The following NME7 variants were observed in gnomAD, a reference collection of about 807,000 sequenced individuals.
NME7 encodes NME/NM23 family member 7.
In NME7, 41 loss-of-function variants were observed where a neutral mutation model predicts 49.1. The observed-to-expected ratio is 0.83, with a 90% confidence interval of 0.65 to 1.08. The LOEUF (loss-of-function observed/expected upper bound fraction) is 1.08, where lower values mean the gene tolerates loss of function less well. Among genes scored for constraint, NME7 ranks in the 50% least tolerant of loss-of-function variants. NME7 has a pLI of 0.00. For missense variants in NME7, 423 were observed against 463.4 expected (o/e 0.91, Z 0.80); for synonymous variants, 139 against 150.6 (o/e 0.92, Z 0.56).
In NME7 at chr1:169,275,495, A is replaced by C. The variant is rs918566280; in HGVS notation, c.754+11808T>G. Among the ~76,000 whole-genome samples, 8 of 126,722 alleles carry C rather than the reference A, an allele frequency of 6.3e-5. 1 individual carries two copies. The highest frequency in any genetic ancestry group is 5.5e-4 in the Admixed American group (7 of 12,694). The allele number at this position is 126,722 out of a possible 152,430, so 83.1% of individuals were successfully genotyped here. Reference sequence around the variant, plus strand: ...CTCCGTCTCAAAAAAAAAAAAAAAAAAAAAAAAAAAGAATGCTTGTGATTT... The same window carrying C: ...CTCCGTCTCAAAAAAAAAAAAAAAACAAAAAAAAAAGAATGCTTGTGATTT... On this transcript the variant is annotated intron_variant, in intron 7 of 11. Coordinates refer to ENST00000367811, the MANE Select transcript of NME7 (RefSeq NM_013330.5).
chr1:169,240,226 A>G (rs748478155), intron 7 of NME7, among the ~76,000 whole-genome samples: 1 of 151,934 alleles, frequency 6.6e-6, no homozygotes, highest in Non-Finnish European at 1.5e-5. Context: ...TTTTGTGAGG[A>G]AAATTATAAT....
At chr1:169,297,826 G>A (rs1389330422) in intron 6 of NME7, among the ~76,000 whole-genome samples, 1 of 152,126 alleles carries the variant, frequency 6.6e-6, no homozygotes, top group Non-Finnish European at 1.5e-5. Context: ...GAATTTGGAG[G>A]CTATTGTAGC....
chr1:169,241,552 A>C (rs1648087971), intron 7 of NME7, among the ~76,000 whole-genome samples: 1 of 152,012 alleles, frequency 6.6e-6, no homozygotes, highest in Non-Finnish European at 1.5e-5. Context: ...AGAAATTTAT[A>C]ATCTATATCT....
intron 7 of NME7, among the ~76,000 whole-genome samples, chr1:169,251,561 C>CTT (rs34473903): frequency 1.9e-4 from 18 of 95,586 alleles, no homozygotes; most frequent in Non-Finnish European, 3.4e-4. Context: ...TTTTTTTTTT[C>CTT]TTTTTTTTTT....
At chr1:169,231,011 T>C (rs12410456) in intron 9 of NME7, among the ~76,000 whole-genome samples, 192 bp from the exon 10 acceptor site, 12,599 of 152,236 alleles carry the variant, frequency 0.083, 707 homozygotes, top group Admixed American at 0.19. Flanking sequence ...TGCTCTCTCT[T>C]CTCCATTCCT....
intron 3 of NME7, among the ~76,000 whole-genome samples, chr1:169,314,633 T>A (rs1003462563): frequency 1.3e-5 from 2 of 152,124 alleles, no homozygotes; most frequent in African/African-American, 2.4e-5. Context: ...AAAATTTTTT[T>A]AAAAAGATAA....
chr1:169,218,334 T>C (rs1661032847), intron 10 of NME7, among the ~76,000 whole-genome samples: 1 of 152,150 alleles, frequency 6.6e-6, no homozygotes, highest in Non-Finnish European at 1.5e-5. Flanking sequence ...GACTCATGCT[T>C]GTAATCCTAG....
intron 11 of NME7, among the ~76,000 whole-genome samples, chr1:169,138,546 C>T (rs1658498520): frequency 6.6e-6 from 1 of 151,694 alleles, no homozygotes; most frequent in Non-Finnish European, 1.5e-5. Context: ...TCTGTCTCTA[C>T]AAAAAAATTA....
At position 169,258,971 on chromosome 1, in the gene NME7, G is replaced by A. The variant is rs912963557; in HGVS notation, c.755-21284C>T. On this transcript the variant is annotated intron_variant, in intron 7 of 11. Coordinates refer to ENST00000367811, the MANE Select transcript of NME7 (RefSeq NM_013330.5). Reference sequence around the variant, plus strand: ...CCAAGTGATCCTGATGCACACTAACGTTTCAGAACCATTACTGCGAGTAAG... The same window carrying A: ...CCAAGTGATCCTGATGCACACTAACATTTCAGAACCATTACTGCGAGTAAG... Among the ~76,000 whole-genome samples, 7 of 133,302 alleles carry A rather than the reference G, an allele frequency of 5.3e-5. 1 individual carries two copies. Among genetic ancestry groups the A allele is most frequent in the African/African-American group, 1.0e-4 (4 of 39,414 alleles). 87.5% of individuals were successfully genotyped at this position (133,302 alleles called of 152,430 possible).
intron 7 of NME7, chr1:169,285,570 A>AAACC (rs2101893857): frequency 6.6e-6 from 1 of 152,246 alleles, no homozygotes; most frequent in East Asian, 1.9e-4. Context: ...ACAAACAAAC[A>AAACC]AACAGGGTTT....
At chr1:169,212,436 A>G (rs1660851738) in intron 10 of NME7, among the ~76,000 whole-genome samples, 1 of 152,006 alleles carries the variant, frequency 6.6e-6, no homozygotes, top group South Asian at 2.1e-4. Flanking sequence ...CCCAAAATCA[A>G]TATTAATAGC....
At chr1:169,171,766 AAAC>A (rs567528400) in intron 10 of NME7, among the ~76,000 whole-genome samples, 182 of 152,138 alleles carry the variant, frequency 1.2e-3, no homozygotes, top group African/African-American at 3.2e-3. Flanking sequence ...TCCATCTCAA[AAAC>A]AACAACAACA....
At chr1:169,338,908 G>A (rs1571401733) in intron 1 of NME7, among the ~76,000 whole-genome samples, 1 of 152,112 alleles carries the variant, frequency 6.6e-6, no homozygotes, top group East Asian at 1.9e-4. Context: ...CGGGCAGACT[G>A]ATGTTCCCAC....
rs1347186930 is a variant in NME7, at chr1:169,246,939, A to T, written c.755-9252T>A. The T allele has an allele frequency of 5.3e-5, 23 of 435,852 alleles. No homozygotes were observed. The East Asian group carries it at 1.2e-3, about 23-fold the overall frequency. The allele number at this position is 435,852 out of a possible 1,614,324, so 27.0% of individuals were successfully genotyped here. On this transcript the variant is annotated intron_variant, in intron 7 of 11. Coordinates refer to ENST00000367811, the MANE Select transcript of NME7 (RefSeq NM_013330.5). ...ATGGTGACTTTGTGTACTGAAATTC[A>T]TCAAGATGCAATTAAGTGAGTAGAA...
At chr1:169,234,592 C>A (rs1647780578) in intron 9 of NME7, among the ~76,000 whole-genome samples, 1 of 152,008 alleles carries the variant, frequency 6.6e-6, no homozygotes, top group Non-Finnish European at 1.5e-5. Context: ...ACAACAATCT[C>A]ATAAGGTAGG....
chr1:169,299,899 T>A lies in NME7; in HGVS notation c.441-1136A>T, dbSNP rs114535359. On this transcript the variant is annotated intron_variant, in intron 5 of 11. Coordinates refer to ENST00000367811, the MANE Select transcript of NME7 (RefSeq NM_013330.5). ...AAACCCAAATCAAAGGAGCAAACCA[T>A]GTTTATTCACTCAATAAGCATTTAA... Among the ~76,000 whole-genome samples, 234 of 152,076 alleles carry A rather than the reference T, an allele frequency of 1.5e-3. 2 individuals are homozygous for A. Among genetic ancestry groups the A allele is most frequent in the African/African-American group, 5.3e-3 (221 of 41,504 alleles).
In NME7 at chr1:169,367,596, G is replaced by A. The variant is rs1329708325; in HGVS notation, c.3+112C>T. On this transcript the variant is annotated intron_variant, in intron 1 of 11. Coordinates refer to ENST00000367811, the MANE Select transcript of NME7 (RefSeq NM_013330.5). Reference sequence around the variant, plus strand: ...CCGTGGGAAGGGGGAAAGAGATAACGGGGAGAAGGTCGGGAGGACCGGACA... The same window carrying A: ...CCGTGGGAAGGGGGAAAGAGATAACAGGGAGAAGGTCGGGAGGACCGGACA... The A allele has an allele frequency of 1.3e-5, 15 of 1,187,764 alleles. No homozygotes were observed. The Admixed American group carries it at 1.7e-4, about 13-fold the overall frequency. The allele number at this position is 1,187,764 out of a possible 1,614,324, so 73.6% of individuals were successfully genotyped here. A position where few individuals can be genotyped will look rare whatever the true frequency, so the allele number is the denominator to read the frequency against.
At chr1:169,217,460 TATTAA>T (rs1341653957) in intron 10 of NME7, among the ~76,000 whole-genome samples, 1 of 152,264 alleles carries the variant, frequency 6.6e-6, no homozygotes, top group South Asian at 2.1e-4. Flanking sequence ...ATTTTGGATA[TATTAA>T]ATTAACTATA....
intron 3 of NME7, among the ~76,000 whole-genome samples, chr1:169,315,272 T>C (rs148489599): frequency 1.2e-4 from 17 of 146,684 alleles, no homozygotes; most frequent in South Asian, 1.1e-3. Context: ...TTTTTTTTTT[T>C]CTTTTTTTTT....
Sources: allele counts gnomAD v4.1 joint callset (sites outside exome capture counted in the v4.1 genomes callset), GRCh38; gene constraint gnomAD v4.1.1; transcripts MANE v1.5; gene names NCBI Gene and HGNC (gene_info 2026-07-23, HGNC 2026-07-21).